FOXN3: variants seen among roughly 807,000 people sequenced by gnomAD.
FOXN3 encodes the protein forkhead box N3.
A neutral mutation model predicts 38.4 loss-of-function variants in FOXN3; 7 were observed. The ratio of observed to expected loss-of-function variants is 0.18; its 90% CI spans 0.10 to 0.34. The LOEUF (loss-of-function observed/expected upper bound fraction) is 0.34, where lower values mean the gene tolerates loss of function less well. FOXN3 is among the 10% of genes least tolerant of loss of function. The probability of loss-of-function intolerance (pLI) is 1.00; values close to 1 mark genes in which losing one functional copy is unlikely to be tolerated. For synonymous variants in FOXN3, 230 were observed against 242.2 expected, an observed-to-expected ratio of 0.95 and a Z score of 0.47; for missense variants, 456 against 613.4, an observed-to-expected ratio of 0.74 and a Z score of 2.71.
intron 3 of FOXN3, among the ~76,000 whole-genome samples, chr14:89,321,985 A>C (rs1887911029): frequency 6.6e-6 from 1 of 152,138 alleles, no homozygotes; most frequent in African/African-American, 2.4e-5. Context: ...TAGGTCCTAT[A>C]ATCTCATTTC....
intron 4 of FOXN3, among the ~76,000 whole-genome samples, chr14:89,255,406 T>C (rs530502565): frequency 6.6e-6 from 1 of 152,086 alleles, no homozygotes; most frequent in African/African-American, 2.4e-5. Flanking sequence ...ATTCATTCAT[T>C]CACTCATTCA....
At chr14:89,542,265 G>A (rs1894804055) in intron 1 of FOXN3, among the ~76,000 whole-genome samples, 1 of 152,204 alleles carries the variant, frequency 6.6e-6, no homozygotes, top group African/African-American at 2.4e-5. Context: ...AAAATTAAGA[G>A]TGCCTTTGTT....
At chr14:89,366,170 A>G (rs951605190) in intron 2 of FOXN3, among the ~76,000 whole-genome samples, 2 of 151,880 alleles carry the variant, frequency 1.3e-5, no homozygotes, top group East Asian at 3.9e-4. Context: ...GGAGAATGGC[A>G]TGAACCCGGG....
At chr14:89,423,521 A>G (rs1327192329) in intron 1 of FOXN3, among the ~76,000 whole-genome samples, 1 of 152,242 alleles carries the variant, frequency 6.6e-6, no homozygotes, top group Non-Finnish European at 1.5e-5. Context: ...AATATTGGAC[A>G]TGCAGATGAA....
intron 4 of FOXN3, among the ~76,000 whole-genome samples, chr14:89,225,889 C>T (rs55984749): frequency 0.03 from 4,610 of 152,210 alleles, 83 homozygotes; most frequent in East Asian, 0.059. Context: ...CATCTTCACT[C>T]AGAACTCTTT....
At chr14:89,547,060 C>T (rs1383744592) in intron 1 of FOXN3, among the ~76,000 whole-genome samples, 1 of 152,096 alleles carries the variant, frequency 6.6e-6, no homozygotes, top group Non-Finnish European at 1.5e-5. Context: ...GCTGGGATTA[C>T]AGGCGAGAGT....
At chr14:89,578,385 C>A (rs10142749) in intron 1 of FOXN3, among the ~76,000 whole-genome samples, 9,566 of 152,102 alleles carry the variant, frequency 0.063, 952 homozygotes, top group African/African-American at 0.22. Context: ...TCTTCTACCC[C>A]CTCTCTCTGG....
At position 89,266,059 on chromosome 14, in the gene FOXN3, A is replaced by T. The variant is rs560513148; in HGVS notation, c.745+14891T>A. On this transcript the variant is annotated intron_variant, in intron 4 of 5. Transcript: ENST00000557258. ...TTCCCAAACTGCCCTTAGCAGCCAA[A>T]GTTGACCCCTACAGTCCCAGCTTTG... Among the ~76,000 whole-genome samples the T allele has an allele frequency of 5.4e-4, 83 of 152,294 alleles. 1 individual carries two copies. Among genetic ancestry groups the T allele is most frequent in the African/African-American group, 1.8e-3 (76 of 41,540 alleles).
chr14:89,522,693 A>G (rs545112521), intron 1 of FOXN3, among the ~76,000 whole-genome samples: 4 of 152,130 alleles, frequency 2.6e-5, no homozygotes, highest in African/African-American at 7.2e-5. Flanking sequence ...GAAGATGCAT[A>G]TAAGTGTAAA....
intron 3 of FOXN3, among the ~76,000 whole-genome samples, chr14:89,305,279 CAT>C (rs1482180679): frequency 4.6e-5 from 7 of 152,150 alleles, no homozygotes; most frequent in Non-Finnish European, 8.8e-5. Flanking sequence ...TGGAGCTTCA[CAT>C]ATGTTTCAGA....
intron 3 of FOXN3, chr14:89,291,506 C>T: frequency 1.7e-6 from 1 of 593,770 alleles, no homozygotes; most frequent in Non-Finnish European, 3.3e-6. Context: ...CCCGCCATCC[C>T]CAGGGGGCCT....
intron 1 of FOXN3, among the ~76,000 whole-genome samples, chr14:89,575,631 G>T (rs886314940): frequency 6.6e-6 from 1 of 152,132 alleles, no homozygotes; most frequent in Non-Finnish European, 1.5e-5. Context: ...GAGCTGCCAC[G>T]CTCGGGCCCT....
At chr14:89,365,152 G>C (rs1314270686) in intron 2 of FOXN3, among the ~76,000 whole-genome samples, 1 of 152,154 alleles carries the variant, frequency 6.6e-6, no homozygotes, top group Non-Finnish European at 1.5e-5. Context: ...TATTTTGAGA[G>C]AGCCCTGCTT....
intron 3 of FOXN3, chr14:89,290,261 C>A: frequency 3.1e-6 from 1 of 320,144 alleles, no homozygotes; most frequent in Non-Finnish European, 6.2e-6. Context: ...AGGAAATTCT[C>A]TGTCATTACC....
intron 3 of FOXN3, among the ~76,000 whole-genome samples, chr14:89,284,213 G>GCT (rs1230162744): frequency 6.6e-6 from 1 of 151,744 alleles, no homozygotes; most frequent in East Asian, 1.9e-4. Flanking sequence ...ACGAAGTCTT[G>GCT]CTCTGTTGCT....
intron 1 of FOXN3, among the ~76,000 whole-genome samples, chr14:89,480,334 C>T (rs1017706548): frequency 2.0e-5 from 3 of 151,496 alleles, no homozygotes; most frequent in East Asian, 1.9e-4. Flanking sequence ...ACTCGGGAGG[C>T]GGAGGTTGCA....
intron 1 of FOXN3, among the ~76,000 whole-genome samples, chr14:89,459,817 T>TC (rs1005857094): frequency 8.6e-5 from 13 of 151,476 alleles, no homozygotes; most frequent in African/African-American, 3.2e-4. Flanking sequence ...TAGTACAGAA[T>TC]CCCCCCACCG....
At chr14:89,482,284 A>G (rs956796981) in intron 1 of FOXN3, among the ~76,000 whole-genome samples, 6 of 152,204 alleles carry the variant, frequency 3.9e-5, no homozygotes, top group African/African-American at 1.4e-4. Flanking sequence ...TCATGTGACT[A>G]GTCCTGACCA....
At chr14:89,191,489 A>T (rs906901019) in intron 4 of FOXN3, among the ~76,000 whole-genome samples, 3 of 152,182 alleles carry the variant, frequency 2.0e-5, no homozygotes, top group Admixed American at 6.5e-5. Context: ...GCCAAACCCA[A>T]TGACTAATGA....
Sources: gnomAD v4.1 joint callset for allele counts (sites outside exome capture counted in the v4.1 genomes callset) on GRCh38, gnomAD v4.1.1 for gene constraint, MANE v1.5 for transcripts, NCBI Gene and HGNC (gene_info 2026-07-23, HGNC 2026-07-21) for gene names.